Variants in MANBAL observed in about 807,000 individuals in gnomAD.
The protein encoded by MANBAL is protein MANBAL.
Under a neutral mutation model 6.4 loss-of-function variants are expected in MANBAL, and 1 was observed. The observed-to-expected ratio is 0.16, with a 90% CI of 0.06 to 0.74. The LOEUF (loss-of-function observed/expected upper bound fraction) is 0.74, where lower values mean the gene tolerates loss of function less well. MANBAL is among the 30% of genes least tolerant of loss of function. The pLI, the probability that MANBAL is intolerant of heterozygous loss-of-function variation, is 0.78. For missense variants in MANBAL, 100 were observed against 107.8 expected (o/e 0.93, Z 0.32); for synonymous variants, 47 against 45.8 (o/e 1.03, Z -0.10).
chr20:37,303,917 G>A (rs2069198915), intron 2 of MANBAL, among the ~76,000 whole-genome samples: 2 of 152,150 alleles, frequency 1.3e-5, no homozygotes, highest in African/African-American at 2.4e-5. Context: ...CAGTATAGGC[G>A]TGGTGAGCCA....
intron 2 of MANBAL, among the ~76,000 whole-genome samples, chr20:37,315,018 T>G (rs1450751542): frequency 6.6e-6 from 1 of 151,884 alleles, no homozygotes; most frequent in Non-Finnish European, 1.5e-5. Context: ...AGTCTGCTTC[T>G]TATTTTCCCA....
At chr20:37,311,312 T>C (rs2069381690) in intron 2 of MANBAL, among the ~76,000 whole-genome samples, 1 of 152,184 alleles carries the variant, frequency 6.6e-6, no homozygotes, top group Non-Finnish European at 1.5e-5. Flanking sequence ...AAGAGTAGGC[T>C]GCACGACGGG....
intron 2 of MANBAL, among the ~76,000 whole-genome samples, chr20:37,304,088 A>G (rs1045098714): frequency 6.6e-5 from 10 of 152,134 alleles, no homozygotes; most frequent in African/African-American, 1.7e-4. Context: ...AAATAACTAT[A>G]TTTTTTACTA....
At chr20:37,291,718 T>C (rs1251144379) in intron 1 of MANBAL, among the ~76,000 whole-genome samples, 1 of 152,050 alleles carries the variant, frequency 6.6e-6, no homozygotes, top group Non-Finnish European at 1.5e-5. Flanking sequence ...TGGGGGTGGG[T>C]CTTTCCCATG....
At chr20:37,311,377 G>T (rs1247456958) in intron 2 of MANBAL, among the ~76,000 whole-genome samples, 2 of 152,238 alleles carry the variant, frequency 1.3e-5, no homozygotes, top group Non-Finnish European at 2.9e-5. Flanking sequence ...CCCCTGCTGG[G>T]TGTCTTGGAA....
intron 2 of MANBAL, chr20:37,302,399 C>T (rs2069160454): frequency 2.6e-6 from 4 of 1,513,266 alleles, no homozygotes; most frequent in Non-Finnish European, 3.6e-6. Flanking sequence ...CTGGCTGCTG[C>T]ACATTTAGAG....
intron 1 of MANBAL, among the ~76,000 whole-genome samples, chr20:37,293,001 A>G (rs537158577): frequency 2.0e-5 from 3 of 152,326 alleles, no homozygotes; most frequent in South Asian, 4.1e-4. Flanking sequence ...GTATTTCCAT[A>G]TATAACCACC....
intron 2 of MANBAL, among the ~76,000 whole-genome samples, chr20:37,313,739 G>A (rs1299417281): frequency 6.6e-6 from 1 of 152,200 alleles, no homozygotes; most frequent in Non-Finnish European, 1.5e-5. Context: ...GTTCCTGGGT[G>A]CCTAGGGGCC....
intron 2 of MANBAL, among the ~76,000 whole-genome samples, chr20:37,309,401 T>C (rs1472458298): frequency 6.6e-6 from 1 of 152,172 alleles, no homozygotes; most frequent in Non-Finnish European, 1.5e-5. Flanking sequence ...CACATTTAGC[T>C]GCCTACTCTT....
intron 1 of MANBAL, chr20:37,297,559 G>A (rs897908425): frequency 2.6e-5 from 4 of 152,178 alleles, no homozygotes; most frequent in Non-Finnish European, 4.4e-5. Context: ...GTTTACTTAC[G>A]AAGGTTGTTT....
intron 1 of MANBAL, among the ~76,000 whole-genome samples, chr20:37,291,663 T>TC (rs1350103918): frequency 6.6e-6 from 1 of 152,032 alleles, no homozygotes; most frequent in Non-Finnish European, 1.5e-5. Context: ...GCTCCCATAA[T>TC]CCCCCCATGT....
At chr20:37,316,094 G>T (rs913941832) in intron 2 of MANBAL, among the ~76,000 whole-genome samples, 3 of 152,214 alleles carry the variant, frequency 2.0e-5, no homozygotes, top group African/African-American at 7.2e-5. Flanking sequence ...GACCCCACAA[G>T]CTGCTCCCTC....
intron 2 of MANBAL, chr20:37,302,393 C>T: frequency 6.5e-7 from 1 of 1,530,610 alleles, no homozygotes; most frequent in South Asian, 1.2e-5. Flanking sequence ...TGGTGTCTGG[C>T]TGCTGCACAT....
intron 1 of MANBAL, among the ~76,000 whole-genome samples, chr20:37,292,092 C>T (rs887869207): frequency 6.6e-6 from 1 of 152,160 alleles, no homozygotes; most frequent in African/African-American, 2.4e-5. Context: ...TCAGGCTTTT[C>T]CAGTGTAGAG....
rs372574856 is a variant in MANBAL, at chr20:37,315,574, A to G, written c.151-734A>G. 5.9e-5 allele frequency among the ~76,000 whole-genome samples: 9 copies of G among 152,322 alleles called. No homozygotes were observed. The South Asian group carries it at 8.3e-4, about 14-fold the overall frequency. ...AGCAGCAGAACTTTGTTTCATTTCA[A>G]TCTTACAAGGGACAAATCACAGTGT... is the stretch of plus-strand genomic sequence containing the variant. On this transcript the variant is annotated intron_variant, in intron 2 of 2. Coordinates refer to ENST00000373606, the MANE Select transcript of MANBAL (RefSeq NM_001003897.2).
chr20:37,301,495 A>C (rs2069135305), intron 2 of MANBAL, 82 bp downstream of exon 2: 1 of 1,457,254 alleles, frequency 6.9e-7, no homozygotes, highest in African/African-American at 1.4e-5. Context: ...ACCACAACTG[A>C]GATCAGCAGG....
intron 2 of MANBAL, among the ~76,000 whole-genome samples, chr20:37,306,223 G>A (rs1318331046): frequency 6.6e-6 from 1 of 152,128 alleles, no homozygotes; most frequent in African/African-American, 2.4e-5. Flanking sequence ...ATAGAAACAG[G>A]GTTTATTAGT....
At chr20:37,294,406 T>C (rs117200565) in intron 1 of MANBAL, among the ~76,000 whole-genome samples, 4,939 of 152,348 alleles carry the variant, frequency 0.032, 119 homozygotes, top group Middle Eastern at 0.12. Flanking sequence ...TACAGTCTGT[T>C]GTCAACAAAG....
chr20:37,315,571 T>C (rs1047240001), intron 2 of MANBAL, among the ~76,000 whole-genome samples: 1 of 152,252 alleles, frequency 6.6e-6, no homozygotes, highest in African/African-American at 2.4e-5. Context: ...TTGTTTCATT[T>C]CAATCTTACA....
Sources: allele counts gnomAD v4.1 joint callset (sites outside exome capture counted in the v4.1 genomes callset), GRCh38; gene constraint gnomAD v4.1.1; transcripts MANE v1.5; gene names NCBI Gene and HGNC (gene_info 2026-07-23, HGNC 2026-07-21).